Variants in PSMF1 observed in about 807,000 individuals in gnomAD.
PSMF1 encodes the protein proteasome inhibitor subunit 1, also known as proteasome inhibitor PI31 subunit.
Under a neutral mutation model 29.3 loss-of-function variants are expected in PSMF1, and 30 were observed. That is an observed-to-expected ratio of 1.02 (90% confidence interval 0.77 to 1.39). The LOEUF is 1.39. Among genes scored for constraint, PSMF1 ranks in the 40% most tolerant of loss-of-function variants. The pLI is 0.00. For missense variants in PSMF1, 344 were observed against 357.5 expected (o/e 0.96, Z 0.31); for synonymous variants, 134 against 139.7 (o/e 0.96, Z 0.29).
intron 3 of PSMF1, 35 bp from the exon 4 acceptor site, chr20:1,135,086 C>T (rs2086286214): frequency 6.2e-7 from 1 of 1,611,754 alleles, no homozygotes; most frequent in African/African-American, 1.3e-5. Flanking sequence ...TCCTAGCCAA[C>T]TGCAAGCAGT....
rs370802330 is a variant in PSMF1, at chr20:1,123,474, T to G, written c.130-2024T>G. 3.3e-5 allele frequency among the ~76,000 whole-genome samples: 5 copies of G among 152,378 alleles called. No homozygotes were observed. In the East Asian group the frequency reaches 9.6e-4, roughly 29 times the overall value. On this transcript the variant is annotated intron_variant, in intron 1 of 6. Transcript: ENST00000335877. ...AGCATTTTTTTGTGCTTTTTAAAAT[T>G]TTTACATAAGTGGTACTGGAGTGTA...
chr20:1,161,861 G>T (rs1362977904), intron 4 of PSMF1, among the ~76,000 whole-genome samples: 1 of 152,214 alleles, frequency 6.6e-6, no homozygotes, highest in Non-Finnish European at 1.5e-5. Flanking sequence ...GCAGTGGATT[G>T]TAGAACTTGT....
chr20:1,114,398 C>T (rs184457733), upstream of PSMF1, among the ~76,000 whole-genome samples: 5 of 152,252 alleles, frequency 3.3e-5, no homozygotes, highest in Non-Finnish European at 7.3e-5. Flanking sequence ...TGTCTCACCA[C>T]GGGCTTCTGA....
rs1434220142 is a variant in PSMF1 at position 1,169,093 on chromosome 20, G to T, written c.*4013G>T. Among the ~76,000 whole-genome samples, 1 of 152,112 alleles carries T rather than the reference G, an allele frequency of 6.6e-6. No homozygotes were observed. Among genetic ancestry groups the T allele is most frequent in the Non-Finnish European group, 1.5e-5 (1 of 68,032 alleles). On this transcript the variant is annotated 3_prime_UTR_variant, in exon 7 of 7. Coordinates refer to ENST00000335877, the MANE Select transcript of PSMF1 (RefSeq NM_006814.5). ...GATGATGTGATCCTGCTGCTCTCTG[G>T]ACCGTAACCTTTTTGGTTACAAAAG...
chr20:1,116,253 C>T (rs1334991289), upstream of PSMF1, among the ~76,000 whole-genome samples: 1 of 152,076 alleles, frequency 6.6e-6, no homozygotes, highest in African/African-American at 2.4e-5. Context: ...GCATTACAAA[C>T]AGAAGGGACA....
intron 4 of PSMF1, among the ~76,000 whole-genome samples, chr20:1,162,006 A>G (rs1227723569): frequency 4.6e-5 from 7 of 152,096 alleles, no homozygotes; most frequent in African/African-American, 1.7e-4. Flanking sequence ...TGCTTGTGGA[A>G]GACAAGTCTA....
rs954427416 is a variant in PSMF1 at position 1,170,204 on chromosome 20, C to A, written c.*5124C>A. Reference sequence around the variant, plus strand: ...GCAGAATCTCAAGCCCCACCCCAGACATTGAATGAGAATCTGCATTTTAAC... The same window carrying A: ...GCAGAATCTCAAGCCCCACCCCAGAAATTGAATGAGAATCTGCATTTTAAC... On this transcript the variant is annotated 3_prime_UTR_variant, in exon 7 of 7. Coordinates refer to ENST00000335877, the MANE Select transcript of PSMF1 (RefSeq NM_006814.5). Among the ~76,000 whole-genome samples, 5 of 152,300 alleles carry A rather than the reference C, an allele frequency of 3.3e-5. No individual in the cohort carries two copies. The highest frequency in any genetic ancestry group is 5.9e-5 in the Non-Finnish European group (4 of 68,026).
intron 2 of PSMF1, among the ~76,000 whole-genome samples, chr20:1,126,259 A>G (rs1197276003): frequency 6.6e-6 from 1 of 152,224 alleles, no homozygotes; most frequent in Non-Finnish European, 1.5e-5. Context: ...CCATGGGACT[A>G]TAAGTGCCAC....
upstream of PSMF1, among the ~76,000 whole-genome samples, chr20:1,117,160 C>T (rs548973463): frequency 2.6e-5 from 4 of 151,938 alleles, no homozygotes; most frequent in Non-Finnish European, 5.9e-5. Flanking sequence ...GGTTATTGCA[C>T]GTATAAAGGG....
At position 1,166,538 on chromosome 20, in the gene PSMF1, C is replaced by T. The variant is rs1600179675; in HGVS notation, c.*1458C>T. The T allele has an allele frequency of 1.1e-5, 5 of 452,878 alleles. No individual in the cohort carries two copies. Among genetic ancestry groups the T allele is most frequent in the Middle Eastern group, 6.2e-4 (1 of 1,620 alleles). 28.1% of individuals were successfully genotyped at this position (452,878 alleles called of 1,614,324 possible). Reference sequence around the variant, plus strand: ...AGGTAGATGAAAACTAAACTGATGCCTAGGCCCAGGGTCAGTCTCAGATGG... The same window carrying T: ...AGGTAGATGAAAACTAAACTGATGCTTAGGCCCAGGGTCAGTCTCAGATGG... On this transcript the variant is annotated 3_prime_UTR_variant, in exon 7 of 7. Coordinates refer to ENST00000335877, the MANE Select transcript of PSMF1 (RefSeq NM_006814.5).
In PSMF1 at chr20:1,161,825, G is replaced by A. The variant is rs1054370129; in HGVS notation, c.552-1305G>A. ...GGAATAAGCTTTTGGAAAGAAATTT[G>A]TCCTTGAAGCTTGTGTCTGATATCA... On this transcript the variant is annotated intron_variant, in intron 4 of 6. Transcript: ENST00000335877. 2.5e-5 allele frequency: 8 copies of A among 321,368 alleles called. No individual in the cohort carries two copies. The South Asian group carries it at 3.7e-4, about 15-fold the overall frequency. The allele number at this position is 321,368 out of a possible 1,614,324, so 19.9% of individuals were successfully genotyped here.
chr20:1,135,365 A>C (rs1029993481), intron 4 of PSMF1, 59 bp downstream of exon 4: 2 of 1,499,230 alleles, frequency 1.3e-6, no homozygotes, highest in East Asian at 2.3e-5. Context: ...CCAGCCAGCT[A>C]TCCCCATCCT....
At chr20:1,150,410 G>GT (rs2086514616) in intron 4 of PSMF1, among the ~76,000 whole-genome samples, 2 of 151,898 alleles carry the variant, frequency 1.3e-5, no homozygotes. Context: ...TCCACCCACT[G>GT]TTGCTTTTGC....
At position 1,118,606 on chromosome 20, in the gene PSMF1, T is replaced by TCCCCG. The variant is rs1173256203; in HGVS notation, c.-157_-153dup. 22 of 810,966 alleles carry TCCCCG rather than the reference T, an allele frequency of 2.7e-5. No individual in the cohort carries two copies. The highest frequency in any genetic ancestry group is 4.6e-5 in the South Asian group (2 of 43,692). 50.2% of individuals were successfully genotyped at this position (810,966 alleles called of 1,614,324 possible). On this transcript the variant is annotated 5_prime_UTR_variant, in exon 1 of 7. Coordinates refer to ENST00000335877, the MANE Select transcript of PSMF1 (RefSeq NM_006814.5). ...CCCGCTGTTGGGACTACTTCCGGCTTCCCCGCCCCGCCCCGTCCCCGGGCG... is the reference window on the plus strand; with the variant it reads ...CCCGCTGTTGGGACTACTTCCGGCTTCCCCGCCCCGCCCCGCCCCGTCCCCGGGCG...
chr20:1,134,075 CTT>C (rs1169185298), intron 3 of PSMF1, among the ~76,000 whole-genome samples: 6 of 146,698 alleles, frequency 4.1e-5, no homozygotes, highest in Admixed American at 1.4e-4. Context: ...CATTTTCTCT[CTT>C]GTTTTTCTTT....
chr20:1,162,577 A>G (rs563226236), intron 4 of PSMF1, among the ~76,000 whole-genome samples: 1 of 152,324 alleles, frequency 6.6e-6, no homozygotes, highest in East Asian at 1.9e-4. Flanking sequence ...GGTTGGGGGC[A>G]GTCCTAGAGA....
At chr20:1,165,002 A>G (rs1454239081) in intron 6 of PSMF1, 27 bp from the exon 7 acceptor site, 3 of 1,589,840 alleles carry the variant, frequency 1.9e-6, no homozygotes, top group Non-Finnish European at 2.6e-6. Context: ...CATCACTCCA[A>G]CTCATCAGCC....
chr20:1,149,623 T>A (rs2086500697), intron 4 of PSMF1, among the ~76,000 whole-genome samples: 1 of 152,162 alleles, frequency 6.6e-6, no homozygotes, highest in South Asian at 2.1e-4. Context: ...TTCTTTCAAG[T>A]AAAAACAAAA....
upstream of PSMF1, among the ~76,000 whole-genome samples, chr20:1,116,363 C>A (rs980588636): frequency 4.6e-5 from 7 of 152,210 alleles, no homozygotes; most frequent in African/African-American, 1.7e-4. Context: ...AGGAGTTCCA[C>A]AGCCACTAGC....
Sources: allele counts gnomAD v4.1 joint callset (sites outside exome capture counted in the v4.1 genomes callset), GRCh38; gene constraint gnomAD v4.1.1; transcripts MANE v1.5; gene names NCBI Gene and HGNC (gene_info 2026-07-23, HGNC 2026-07-21).